The following IFRD1 variants were observed in gnomAD, a reference collection of about 807,000 sequenced individuals.
The protein encoded by IFRD1 is interferon related developmental regulator 1, also known as interferon-related developmental regulator 1.
In IFRD1, 35 loss-of-function variants were observed where a neutral mutation model predicts 52.9. The ratio of observed to expected loss-of-function variants is 0.66; its 90% confidence interval spans 0.51 to 0.88. IFRD1 has a LOEUF of 0.88. IFRD1 is among the 40% of genes least tolerant of loss of function. The pLI is 0.00. For missense variants in IFRD1, 517 were observed against 550.8 expected (o/e 0.94, Z 0.61); for synonymous variants, 184 against 188.4 (o/e 0.98, Z 0.19).
intron 1 of IFRD1, chr7:112,435,379 A>G (rs2117236494): frequency 6.6e-6 from 1 of 152,362 alleles, no homozygotes; most frequent in African/African-American, 2.4e-5. Context: ...GAACCTCTAA[A>G]TGGTTCCCTT....
At chr7:112,428,223 G>C (rs138747958) in intron 1 of IFRD1, among the ~76,000 whole-genome samples, 30 of 152,322 alleles carry the variant, frequency 2.0e-4, no homozygotes, top group Non-Finnish European at 3.4e-4. Flanking sequence ...AAAGGGGTGA[G>C]ATCACACAGG....
chr7:112,428,071 G>A (rs890159221), intron 1 of IFRD1, among the ~76,000 whole-genome samples: 2 of 152,100 alleles, frequency 1.3e-5, no homozygotes, highest in Non-Finnish European at 2.9e-5. Context: ...AGGGATGAGG[G>A]AAAAGGGAGA....
chr7:112,466,320 G>A (rs988754743), intron 8 of IFRD1, among the ~76,000 whole-genome samples: 1 of 151,944 alleles, frequency 6.6e-6, no homozygotes, highest in African/African-American at 2.4e-5. Context: ...AATTTTTCAA[G>A]TTTTAATAGG....
At chr7:112,425,749 G>A (rs997744519) in intron 1 of IFRD1, among the ~76,000 whole-genome samples, 2 of 152,050 alleles carry the variant, frequency 1.3e-5, no homozygotes, top group Non-Finnish European at 1.5e-5. Context: ...TGTTGGTTCT[G>A]TCTCTCTGGA....
intron 8 of IFRD1, among the ~76,000 whole-genome samples, chr7:112,466,709 T>G (rs1318032500): frequency 6.6e-6 from 1 of 152,188 alleles, no homozygotes; most frequent in Non-Finnish European, 1.5e-5. Context: ...CTATACAAAT[T>G]AAAAAACCCT....
intron 1 of IFRD1, among the ~76,000 whole-genome samples, chr7:112,442,580 G>A (rs36113101): frequency 0.47 from 70,916 of 152,118 alleles, 19,507 homozygotes; most frequent in Non-Finnish European, 0.6. Context: ...GTAGAGAGGA[G>A]GAACCTCTTT....
At chr7:112,443,900 C>T (rs1396666918) in intron 1 of IFRD1, among the ~76,000 whole-genome samples, 1 of 150,564 alleles carries the variant, frequency 6.6e-6, no homozygotes, top group Non-Finnish European at 1.5e-5. Flanking sequence ...ACACCATCCC[C>T]CACCAAAAAA....
At chr7:112,463,404 A>T (rs1032995852) in intron 8 of IFRD1, among the ~76,000 whole-genome samples, 1 of 152,194 alleles carries the variant, frequency 6.6e-6, no homozygotes, top group Non-Finnish European at 1.5e-5. Flanking sequence ...ATGTATAGTC[A>T]TTCATATTCC....
chr7:112,454,875 T>C (rs1164230641), intron 1 of IFRD1, among the ~76,000 whole-genome samples: 1 of 144,872 alleles, frequency 6.9e-6, no homozygotes, highest in Non-Finnish European at 1.5e-5. Flanking sequence ...TTTTTTTTTT[T>C]TTTTTTTTTG....
rs532017030 is a variant in IFRD1, at chr7:112,433,067, G to A, written c.-182+9635G>A. Among the ~76,000 whole-genome samples the A allele has an allele frequency of 4.6e-5, 7 of 152,258 alleles. No homozygotes were observed. The South Asian group carries it at 1.2e-3, about 27-fold the overall frequency. On this transcript the variant is annotated intron_variant, in intron 1 of 12. Coordinates refer to the IFRD1 transcript ENST00000005558. ...TTCAGAGATATTAAATGGTTAAAAC[G>A]TGTGGATCATAGAATCAACTGTAAC...
Position 112,462,349 on chromosome 7 carries a change from C to G in IFRD1, c.877C>G (p.Leu293Val), listed in dbSNP as rs746358114. The stretch of plus-strand genomic sequence containing the variant: ...AGCTGCTGGTGAATCTTTGGCACTT[C>G]TCTTTGAATTGGCCAGAGGAATAGA... ...RIAAGESLALLFELARGIESD... is the reference protein window; with the variant it reads ...RIAAGESLALVFELARGIESD... The change falls in exon 8 of 12, where the codon CTC (leucine) becomes GTC (valine). Residue 293 changes from leucine to valine, a missense_variant. By Grantham distance (32) the Leu-to-Val change is conservative. Coordinates refer to ENST00000403825, the MANE Select transcript of IFRD1 (RefSeq NM_001550.4). The G allele has an allele frequency of 1.9e-6, 3 of 1,612,996 alleles. No homozygotes were observed. The highest frequency in any genetic ancestry group is 2.5e-6 in the Non-Finnish European group (3 of 1,179,082).
In IFRD1 at chr7:112,475,446, C is replaced by T. The variant is rs1377454438; in HGVS notation, c.1283C>T (p.Ala428Val). 6.2e-7 allele frequency: 1 copy of T among 1,607,512 alleles called. No homozygotes were observed. The highest frequency in any genetic ancestry group is 1.1e-5 in the South Asian group (1 of 90,834). The change falls in exon 12 of 12, where the codon GCA (alanine) becomes GTA (valine). Residue 428 changes from alanine to valine, a missense_variant. Ala to Val is a moderately conservative substitution (Grantham distance 64). Coordinates refer to ENST00000403825, the MANE Select transcript of IFRD1 (RefSeq NM_001550.4). ...SRFERHLYNS[A>V]AFKARTKARS... ...TCATTTTAGCATTTATATAACTCTGCAGCCTTCAAAGCTCGAACCAAAGCT... is the reference window on the plus strand; with the variant it reads ...TCATTTTAGCATTTATATAACTCTGTAGCCTTCAAAGCTCGAACCAAAGCT...
chr7:112,451,939 G>T, intron 1 of IFRD1: 1 of 884,884 alleles, frequency 1.1e-6, no homozygotes, highest in Non-Finnish European at 1.4e-6. Flanking sequence ...AAAGGTTATT[G>T]GAAACTGGCA....
In IFRD1 at chr7:112,468,017, A is replaced by T. The variant is rs761073324; in HGVS notation, c.943A>T (p.Met315Leu). The change falls in exon 9 of 12, where the codon ATG (methionine) becomes TTG (leucine). Residue 315 changes from methionine to leucine, a missense_variant. Physicochemically the swap from Met to Leu is conservative, Grantham distance 15. Transcript: ENST00000403825. ...TGAAGACATGGAGTCCTTGACGCAG[A>T]TGCTTAGGGCCTTGGCAACAGATGG... Reference protein sequence around the residue: ...FYEDMESLTQMLRALATDGNK... With the variant: ...FYEDMESLTQLLRALATDGNK... 4 of 1,614,080 alleles carry T rather than the reference A, an allele frequency of 2.5e-6. No individual in the cohort carries two copies. In the South Asian group the frequency reaches 3.3e-5, roughly 13 times the overall value.
intron 5 of IFRD1, among the ~76,000 whole-genome samples, chr7:112,459,920 T>C (rs1018971320): frequency 6.6e-5 from 10 of 152,246 alleles, no homozygotes; most frequent in African/African-American, 2.4e-4. Context: ...AACTTCATAG[T>C]AATCTCTGTG....
chr7:112,451,455 C>T (rs375769690), intron 1 of IFRD1, among the ~76,000 whole-genome samples: 86 of 152,318 alleles, frequency 5.6e-4, no homozygotes, highest in African/African-American at 2.0e-3. Context: ...CCCGAGGCGA[C>T]CTCCTGCTCA....
intron 9 of IFRD1, among the ~76,000 whole-genome samples, chr7:112,468,842 A>T (rs937832554): frequency 6.6e-6 from 1 of 152,230 alleles, no homozygotes. Flanking sequence ...AAACCGAAAT[A>T]ACAAAACCCA....
Position 112,456,044 on chromosome 7 carries a change from A to G in IFRD1, c.242A>G (p.Glu81Gly), listed in dbSNP as rs746529943. The G allele has an allele frequency of 6.2e-7, 1 of 1,610,032 alleles. No individual in the cohort carries two copies. The highest frequency in any genetic ancestry group is 8.5e-7 in the Non-Finnish European group (1 of 1,176,326). ...GAGGAAGGAACTCAAGAAGACCTAG[A>G]GTACAAGTTGAAGGGATTAATTGAC... ...LDEEGTQEDL[E>G]YKLKGLIDLT... is the part of the protein sequence containing the mutation. The change falls in exon 3 of 12, where the codon GAG becomes GGG. Residue 81 changes from glutamate to glycine, a missense_variant. Transcript: ENST00000403825.
At chr7:112,474,959 T>C (rs1302742719) in intron 11 of IFRD1, among the ~76,000 whole-genome samples, 2 of 119,390 alleles carry the variant, frequency 1.7e-5, no homozygotes, top group South Asian at 5.2e-4. Flanking sequence ...ATTAACTCTT[T>C]ATTTATTTAT....
Sources: gnomAD v4.1 joint callset for allele counts (sites outside exome capture counted in the v4.1 genomes callset) on GRCh38, gnomAD v4.1.1 for gene constraint, MANE v1.5 for transcripts, NCBI Gene and HGNC (gene_info 2026-07-23, HGNC 2026-07-21) for gene names.